Variants in CDH7 observed in about 807,000 individuals in gnomAD.
CDH7 encodes cadherin 7.
Under a neutral mutation model 71.8 loss-of-function variants are expected in CDH7, and 25 were observed. The ratio of observed to expected loss-of-function variants is 0.35; its 90% CI spans 0.25 to 0.49. CDH7 has a LOEUF of 0.49. Ranked by LOEUF, CDH7 falls within the 20% of genes least tolerant of loss-of-function variation. The pLI, the probability that CDH7 is intolerant of heterozygous loss-of-function variation, is 0.99. For missense variants in CDH7, 862 were observed against 974.6 expected, an observed-to-expected ratio of 0.88 and a Z score of 1.54; for synonymous variants, 381 against 363.8, an observed-to-expected ratio of 1.05 and a Z score of -0.54.
chr18:65,787,789 C>T (rs1320785179), intron 2 of CDH7, among the ~76,000 whole-genome samples: 2 of 152,164 alleles, frequency 1.3e-5, no homozygotes, highest in Non-Finnish European at 2.9e-5. Context: ...AAATACATTT[C>T]ACAGGTGAAC....
chr18:65,815,732 T>C (rs1441593899), intron 4 of CDH7, among the ~76,000 whole-genome samples: 1 of 152,128 alleles, frequency 6.6e-6, no homozygotes, highest in Non-Finnish European at 1.5e-5. Context: ...ATTAAGCAAG[T>C]ATTAAAGGAG....
At chr18:65,795,857 C>G (rs1181804361) in intron 2 of CDH7, among the ~76,000 whole-genome samples, 1 of 151,920 alleles carries the variant, frequency 6.6e-6, no homozygotes, top group African/African-American at 2.4e-5. Flanking sequence ...AGGCAGTTCC[C>G]CCATGCTGTT....
At chr18:65,829,610 C>T (rs1026603496) in intron 6 of CDH7, among the ~76,000 whole-genome samples, 2 of 151,932 alleles carry the variant, frequency 1.3e-5, no homozygotes, top group African/African-American at 4.8e-5. Flanking sequence ...TTTTCCAGTT[C>T]TTCAAACCTC....
At chr18:65,849,224 G>A (rs554953677) in intron 7 of CDH7, among the ~76,000 whole-genome samples, 2 of 152,068 alleles carry the variant, frequency 1.3e-5, no homozygotes, top group African/African-American at 2.4e-5. Flanking sequence ...GAAAGTATAT[G>A]TTCATGTATG....
chr18:65,761,454 A>T lies in CDH7; in HGVS notation c.-196-1193A>T, dbSNP rs540336768. Among the ~76,000 whole-genome samples the T allele has an allele frequency of 4.6e-5, 7 of 151,598 alleles. No homozygotes were observed. The East Asian group carries it at 1.4e-3, about 29-fold the overall frequency. On this transcript the variant is annotated intron_variant, in intron 1 of 11. Coordinates refer to ENST00000397968, the MANE Select transcript of CDH7 (RefSeq NM_004361.5). ...GACAGGTAGAAAGACTGAAAAGCTT[A>T]TGAGGATAGTGCATTTTCTGCCTTA... is the stretch of plus-strand genomic sequence containing the variant.
intron 2 of CDH7, chr18:65,803,155 C>T (rs2143888777): frequency 6.6e-6 from 1 of 152,124 alleles, no homozygotes; most frequent in South Asian, 2.1e-4. Context: ...GACCCAAGCA[C>T]CATCAAGACA....
intron 6 of CDH7, among the ~76,000 whole-genome samples, chr18:65,842,862 C>G (rs1258593520): frequency 1.2e-5 from 1 of 85,446 alleles, no homozygotes; most frequent in Admixed American, 1.2e-4. Context: ...TTTTTTTTTT[C>G]ACTGTTTTTA....
chr18:65,812,804 G>A (rs1246371034), intron 3 of CDH7, among the ~76,000 whole-genome samples: 4 of 151,984 alleles, frequency 2.6e-5, no homozygotes, highest in Non-Finnish European at 5.9e-5. Context: ...TTTATTATTT[G>A]GTTTAAAATT....
chr18:65,866,421 T>C (rs1212151026), intron 11 of CDH7: 4 of 149,852 alleles, frequency 2.7e-5, no homozygotes, highest in Admixed American at 6.6e-5. Context: ...CATGTTAAGT[T>C]TGTGTTCCAG....
At chr18:65,816,689 G>A (rs540192574) in intron 4 of CDH7, among the ~76,000 whole-genome samples, 1 of 152,212 alleles carries the variant, frequency 6.6e-6, no homozygotes, top group Non-Finnish European at 1.5e-5. Context: ...AATGACCAGA[G>A]GGTAACTATA....
chr18:65,860,922 G>A (rs1246142565), intron 10 of CDH7, among the ~76,000 whole-genome samples: 1 of 152,080 alleles, frequency 6.6e-6, no homozygotes, highest in African/African-American at 2.4e-5. Flanking sequence ...AATATAGAAG[G>A]TAGAGCATTC....
At chr18:65,846,735 C>T (rs911361915) in intron 7 of CDH7, among the ~76,000 whole-genome samples, 2 of 152,092 alleles carry the variant, frequency 1.3e-5, no homozygotes, top group African/African-American at 4.8e-5. Flanking sequence ...GTGGAATGGC[C>T]TCGGAGATGT....
intron 2 of CDH7, among the ~76,000 whole-genome samples, chr18:65,795,031 G>A (rs1345901446): frequency 6.6e-6 from 1 of 152,080 alleles, no homozygotes; most frequent in Non-Finnish European, 1.5e-5. Flanking sequence ...ATAAAATTCA[G>A]GGTTGCAAAT....
intron 10 of CDH7, among the ~76,000 whole-genome samples, chr18:65,861,126 ATT>A (rs2144034965): frequency 6.6e-6 from 1 of 152,286 alleles, no homozygotes; most frequent in African/African-American, 2.4e-5. Flanking sequence ...AAATGTCAGC[ATT>A]TATAGGACAT....
intron 6 of CDH7, among the ~76,000 whole-genome samples, chr18:65,836,945 A>G (rs1216191449): frequency 6.6e-6 from 1 of 152,184 alleles, no homozygotes. Flanking sequence ...TAGAAAGATA[A>G]GAAAGTATCA....
chr18:65,787,013 A>C (rs763558658), intron 2 of CDH7, among the ~76,000 whole-genome samples: 3 of 152,074 alleles, frequency 2.0e-5, no homozygotes, highest in Non-Finnish European at 4.4e-5. Context: ...ATGCCCATCA[A>C]TGAAAACTTT....
upstream of CDH7, chr18:65,750,611 G>T (rs1335301946): frequency 6.6e-6 from 1 of 152,336 alleles, no homozygotes; most frequent in African/African-American, 2.4e-5. Flanking sequence ...CGGCCGAGCG[G>T]CTCCGTCTTC....
chr18:65,864,407 G>GTT (rs1294279744), intron 11 of CDH7, among the ~76,000 whole-genome samples: 2 of 137,570 alleles, frequency 1.5e-5, no homozygotes, highest in Admixed American at 7.3e-5. Context: ...GTTTTGTTTT[G>GTT]TTTTTTTTTT....
rs1352884550 is a variant in CDH7 at position 65,883,859 on chromosome 18, G to C, written c.*2965G>C. The C allele has an allele frequency of 6.6e-6, 1 of 152,106 alleles. No homozygotes were observed. The highest frequency in any genetic ancestry group is 2.1e-4 in the South Asian group (1 of 4,830). 9.4% of individuals were successfully genotyped at this position (152,106 alleles called of 1,614,324 possible). A position where few individuals can be genotyped will look rare whatever the true frequency, so the allele number is the denominator to read the frequency against. On this transcript the variant is annotated 3_prime_UTR_variant, in exon 12 of 12. Coordinates refer to ENST00000397968, the MANE Select transcript of CDH7 (RefSeq NM_004361.5). ...CTACTAAATAACAATGTATGTGGTA[G>C]TGATTTCCTGAAGTGAAATCCTTGG...
Sources: allele counts gnomAD v4.1 joint callset (sites outside exome capture counted in the v4.1 genomes callset), GRCh38; gene constraint gnomAD v4.1.1; transcripts MANE v1.5; gene names NCBI Gene and HGNC (gene_info 2026-07-23, HGNC 2026-07-21).